EPHA5: variants seen among roughly 807,000 people sequenced by gnomAD.
The protein encoded by EPHA5 is ephrin type-A receptor 5.
Under a neutral mutation model 105.0 loss-of-function variants are expected in EPHA5, and 60 were observed. The observed-to-expected ratio is 0.57, with a 90% CI of 0.46 to 0.71. The LOEUF (loss-of-function observed/expected upper bound fraction) is 0.71, where lower values mean the gene tolerates loss of function less well. EPHA5 is among the 30% of genes least tolerant of loss of function. EPHA5 has a pLI of 0.00. For synonymous variants in EPHA5, 513 were observed against 449.1 expected (o/e 1.14, Z -1.80); for missense variants, 1,218 against 1,274.7 (o/e 0.96, Z 0.68).
intron 5 of EPHA5, among the ~76,000 whole-genome samples, chr4:65,451,435 T>A (rs1406853594): frequency 6.6e-6 from 1 of 152,106 alleles, no homozygotes; most frequent in Non-Finnish European, 1.5e-5. Flanking sequence ...AGCCATTGAT[T>A]ATAGTAGGCT....
At chr4:65,394,953 G>T (rs993261794) in intron 8 of EPHA5, among the ~76,000 whole-genome samples, 2 of 152,096 alleles carry the variant, frequency 1.3e-5, no homozygotes, top group Admixed American at 1.3e-4. Context: ...ACTCATTCAA[G>T]AAACTATGAT....
At chr4:65,636,606 C>G (rs1397064450) in intron 2 of EPHA5, among the ~76,000 whole-genome samples, 2 of 151,850 alleles carry the variant, frequency 1.3e-5, no homozygotes, top group African/African-American at 4.8e-5. Context: ...TATTTATATA[C>G]TGAAAGTGTA....
intron 5 of EPHA5, among the ~76,000 whole-genome samples, chr4:65,442,589 G>A (rs1407574641): frequency 6.6e-6 from 1 of 152,120 alleles, no homozygotes; most frequent in Non-Finnish European, 1.5e-5. Context: ...TATGTGTGTA[G>A]AAACTGGACA....
Position 65,454,973 on chromosome 4 carries a change from C to T in EPHA5, c.1403-34408G>A, listed in dbSNP as rs956406398. On this transcript the variant is annotated intron_variant, in intron 5 of 16. Coordinates refer to ENST00000613740, the MANE Select transcript of EPHA5 (RefSeq NM_001281766.3). The stretch of plus-strand genomic sequence containing the variant: ...ATGAAAATTATATTTCTGCTTGGCA[C>T]GGTGGCTCACGCCTGTAATCCCAGC... Among the ~76,000 whole-genome samples the T allele has an allele frequency of 1.9e-4, 29 of 152,038 alleles. 1 individual carries two copies. The highest frequency in any genetic ancestry group is 5.1e-4 in the African/African-American group (21 of 41,396).
chr4:65,591,969 G>A (rs1419354134), intron 3 of EPHA5, among the ~76,000 whole-genome samples: 1 of 151,970 alleles, frequency 6.6e-6, no homozygotes, highest in East Asian at 1.9e-4. Context: ...TTAGTATTGG[G>A]AAGGTTCAAG....
At chr4:65,497,936 A>T (rs1158082031) in intron 3 of EPHA5, among the ~76,000 whole-genome samples, 4 of 151,980 alleles carry the variant, frequency 2.6e-5, no homozygotes, top group African/African-American at 9.7e-5. Flanking sequence ...TATGAATCTT[A>T]AAGGTAGTCC....
chr4:65,352,989 C>T (rs1577894056), intron 12 of EPHA5, 53 bp downstream of exon 12: 6 of 1,253,366 alleles, frequency 4.8e-6, no homozygotes, highest in African/African-American at 1.6e-5. Flanking sequence ...CACAGCACAA[C>T]ATCACAATAT....
At chr4:65,351,271 T>G in intron 13 of EPHA5, 118 bp downstream of exon 13, 1 of 906,252 alleles carries the variant, frequency 1.1e-6, no homozygotes, top group Non-Finnish European at 1.7e-6. Context: ...CTCCCCCTCA[T>G]TCTCTCTCTT....
intron 1 of EPHA5, among the ~76,000 whole-genome samples, chr4:65,668,214 G>C (rs1202324089): frequency 1.3e-5 from 2 of 152,146 alleles, no homozygotes; most frequent in Non-Finnish European, 2.9e-5. Flanking sequence ...CCTTCCTTTA[G>C]AGCTGGCATT....
intron 2 of EPHA5, among the ~76,000 whole-genome samples, chr4:65,617,223 A>G (rs1444419565): frequency 6.6e-6 from 1 of 151,942 alleles, no homozygotes; most frequent in Non-Finnish European, 1.5e-5. Context: ...TACTCCTCTT[A>G]CACGCATTTT....
intron 5 of EPHA5, among the ~76,000 whole-genome samples, chr4:65,457,413 A>G (rs1727704977): frequency 6.6e-6 from 1 of 152,208 alleles, no homozygotes; most frequent in African/African-American, 2.4e-5. Flanking sequence ...TATACCTTAA[A>G]TAAGTAATAA....
chr4:65,408,538 C>A (rs1410590166), intron 7 of EPHA5, among the ~76,000 whole-genome samples: 1 of 144,254 alleles, frequency 6.9e-6, no homozygotes, highest in Non-Finnish European at 1.5e-5. Context: ...AGGACATGAA[C>A]AGACACTTCT....
At position 65,365,006 on chromosome 4, in the gene EPHA5, A is replaced by T; in HGVS notation, c.2173+11T>A. On this transcript the variant is annotated intron_variant, in intron 11 of 16. Transcript: ENST00000613740. ...TATGCACACACATGTATAATTTGCCATCATACTTACTTTTGGTCACCACAC... is the reference window on the plus strand; with the variant it reads ...TATGCACACACATGTATAATTTGCCTTCATACTTACTTTTGGTCACCACAC... 1 of 1,609,220 alleles carries T rather than the reference A, an allele frequency of 6.2e-7. No homozygotes were observed. The highest frequency in any genetic ancestry group is 8.5e-7 in the Non-Finnish European group (1 of 1,176,830).
intron 3 of EPHA5, among the ~76,000 whole-genome samples, chr4:65,512,267 T>A (rs933514518): frequency 3.3e-5 from 5 of 152,130 alleles, no homozygotes; most frequent in African/African-American, 1.2e-4. Flanking sequence ...AATATGGCAC[T>A]AAGCATGACA....
intron 5 of EPHA5, among the ~76,000 whole-genome samples, chr4:65,465,566 A>C: frequency 6.7e-6 from 1 of 149,360 alleles, no homozygotes; most frequent in Non-Finnish European, 1.5e-5. Context: ...AAAGGAAGGA[A>C]AGGAAGGAAA....
intron 7 of EPHA5, among the ~76,000 whole-genome samples, chr4:65,405,742 C>G (rs1413524233): frequency 6.6e-6 from 1 of 152,118 alleles, no homozygotes; most frequent in Non-Finnish European, 1.5e-5. Flanking sequence ...CTCCTAGTCT[C>G]TGACGCTAAG....
chr4:65,467,867 G>C (rs1728867739), intron 5 of EPHA5, among the ~76,000 whole-genome samples: 1 of 152,118 alleles, frequency 6.6e-6, no homozygotes, highest in African/African-American at 2.4e-5. Context: ...TGAAGATGAG[G>C]TCAGGGCGAA....
chr4:65,352,571 C>A (rs28710111), intron 12 of EPHA5, among the ~76,000 whole-genome samples: 2,265 of 152,002 alleles, frequency 0.015, 59 homozygotes, highest in African/African-American at 0.052. Flanking sequence ...TGGTGCAAGT[C>A]GTGACGGATC....
intron 8 of EPHA5, among the ~76,000 whole-genome samples, chr4:65,381,396 A>T (rs1172698469): frequency 6.6e-6 from 1 of 151,808 alleles, no homozygotes; most frequent in Non-Finnish European, 1.5e-5. Context: ...TGTTACATTC[A>T]TTGCATTATG....
Sources: allele counts gnomAD v4.1 joint callset (sites outside exome capture counted in the v4.1 genomes callset), GRCh38; gene constraint gnomAD v4.1.1; transcripts MANE v1.5; gene names NCBI Gene and HGNC (gene_info 2026-07-23, HGNC 2026-07-21).